Variants in PTCSC3 observed in about 807,000 individuals in gnomAD.
PTCSC3 encodes papillary thyroid carcinoma susceptibility candidate 3, also known as papillary thyroid carcinoma susceptibility candidate 3 (non-protein coding).
intron 1 of PTCSC3, among the ~76,000 whole-genome samples, chr14:36,167,948 A>C (rs1315395309): frequency 5.3e-5 from 8 of 152,104 alleles, no homozygotes; most frequent in Non-Finnish European, 1.2e-4. Flanking sequence ...TTTATAATGT[A>C]CCTTAGAAAA....
intron 3 of PTCSC3, among the ~76,000 whole-genome samples, chr14:36,148,967 T>G (rs959725151): frequency 4.6e-5 from 7 of 152,240 alleles, no homozygotes; most frequent in Non-Finnish European, 1.0e-4. Flanking sequence ...TTTGTTGATT[T>G]TCTTATTTCT....
At chr14:36,167,302 GT>G (rs979162749) in intron 1 of PTCSC3, among the ~76,000 whole-genome samples, 1 of 151,764 alleles carries the variant, frequency 6.6e-6, no homozygotes, top group African/African-American at 2.4e-5. Flanking sequence ...CCTCTGTTAG[GT>G]TTTTTTTCCC....
chr14:36,174,824 G>A (rs1036339171), intron 1 of PTCSC3, among the ~76,000 whole-genome samples: 1 of 152,148 alleles, frequency 6.6e-6, no homozygotes, highest in Non-Finnish European at 1.5e-5. Flanking sequence ...CCTAATATGT[G>A]CACTTTGTGG....
intron 3 of PTCSC3, among the ~76,000 whole-genome samples, chr14:36,148,544 C>T (rs889140371): frequency 3.9e-5 from 6 of 152,250 alleles, no homozygotes; most frequent in Non-Finnish European, 7.3e-5. Flanking sequence ...TGTGCACCCA[C>T]TGACCTGTGC....
At chr14:36,146,673 A>G (rs1458561851) in intron 3 of PTCSC3, among the ~76,000 whole-genome samples, 6 of 152,038 alleles carry the variant, frequency 3.9e-5, no homozygotes, top group Admixed American at 1.3e-4. Context: ...TTTAAAGTTA[A>G]TATTGTTATG....
At chr14:36,165,167 C>T (rs552746500) in intron 1 of PTCSC3, 1 of 152,214 alleles carries the variant, frequency 6.6e-6, no homozygotes, top group Non-Finnish European at 1.5e-5. Context: ...GCCCTCTCCC[C>T]ACGTGCAGTC....
chr14:36,136,857 A>T (rs904919944), intron 3 of PTCSC3, among the ~76,000 whole-genome samples: 4 of 152,198 alleles, frequency 2.6e-5, no homozygotes, highest in African/African-American at 9.7e-5. Flanking sequence ...GTCAGGAAAG[A>T]GATATTGAAT....
intron 2 of PTCSC3, among the ~76,000 whole-genome samples, chr14:36,158,992 G>A (rs1468928725): frequency 2.0e-5 from 3 of 151,940 alleles, no homozygotes; most frequent in East Asian, 1.9e-4. Flanking sequence ...GAGGGTATAT[G>A]TGTCCAGGAA....
intron 2 of PTCSC3, among the ~76,000 whole-genome samples, chr14:36,155,523 T>C (rs1185821807): frequency 6.6e-6 from 1 of 152,048 alleles, no homozygotes; most frequent in African/African-American, 2.4e-5. Context: ...CCTTAAATTA[T>C]AATCATTTGC....
intron 1 of PTCSC3, among the ~76,000 whole-genome samples, chr14:36,165,938 A>T (rs1428678723): frequency 6.6e-6 from 1 of 152,158 alleles, no homozygotes; most frequent in East Asian, 1.9e-4. Context: ...TTTATTGAAA[A>T]GCTGTCAGTG....
At chr14:36,135,862 GAT>G (rs35356826), downstream of PTCSC3, among the ~76,000 whole-genome samples, 86,030 of 150,364 alleles carry the variant, frequency 0.57, 26,719 homozygotes, top group Non-Finnish European at 0.7. Flanking sequence ...TAGAGGGACA[GAT>G]ATATATATAT....
chr14:36,165,931 A>G (rs943302625), intron 1 of PTCSC3, among the ~76,000 whole-genome samples: 2 of 152,154 alleles, frequency 1.3e-5, no homozygotes, highest in Non-Finnish European at 2.9e-5. Context: ...ATCAAATTTT[A>G]TTGAAAAGCT....
chr14:36,156,205 C>T (rs1454247317), intron 2 of PTCSC3, among the ~76,000 whole-genome samples: 1 of 152,174 alleles, frequency 6.6e-6, no homozygotes, highest in Non-Finnish European at 1.5e-5. Context: ...AACAGCTCTA[C>T]CTTTGGTGGT....
At chr14:36,166,241 CCT>C (rs1298716333) in intron 1 of PTCSC3, among the ~76,000 whole-genome samples, 2 of 152,126 alleles carry the variant, frequency 1.3e-5, no homozygotes, top group African/African-American at 4.8e-5. Context: ...TCACACGCTT[CCT>C]CTGTCTTCAG....
At chr14:36,176,186 A>T (rs898884175) in intron 1 of PTCSC3, 1 of 152,172 alleles carries the variant, frequency 6.6e-6, no homozygotes, top group Non-Finnish European at 1.5e-5. Context: ...CAATATAATT[A>T]TACCTTTGGG....
intron 2 of PTCSC3, among the ~76,000 whole-genome samples, chr14:36,158,548 A>G (rs1881879309): frequency 6.6e-6 from 1 of 152,104 alleles, no homozygotes; most frequent in Non-Finnish European, 1.5e-5. Flanking sequence ...TATGTGATGG[A>G]TTATGTTTAT....
chr14:36,154,524 A>G (rs1046114380), intron 2 of PTCSC3, among the ~76,000 whole-genome samples: 3 of 152,210 alleles, frequency 2.0e-5, no homozygotes, highest in African/African-American at 4.8e-5. Context: ...GTGATTAGAA[A>G]ATATCATTAA....
At chr14:36,147,456 G>A (rs562151432) in intron 3 of PTCSC3, among the ~76,000 whole-genome samples, 43 of 152,014 alleles carry the variant, frequency 2.8e-4, no homozygotes, top group African/African-American at 8.2e-4. Flanking sequence ...TGATCGCATC[G>A]GCTCCTGAGG....
At chr14:36,147,212 C>T (rs552520981) in intron 3 of PTCSC3, among the ~76,000 whole-genome samples, 44 of 152,280 alleles carry the variant, frequency 2.9e-4, no homozygotes, top group African/African-American at 1.1e-3. Flanking sequence ...GTTGGCCTGC[C>T]TTGCTAGATT....
Sources: gnomAD v4.1 joint callset for allele counts (sites outside exome capture counted in the v4.1 genomes callset) on GRCh38, gnomAD v4.1.1 for gene constraint, MANE v1.5 for transcripts, NCBI Gene and HGNC (gene_info 2026-07-23, HGNC 2026-07-21) for gene names.